GPC5: variants seen among roughly 807,000 people sequenced by gnomAD.
GPC5 encodes glypican-5.
In GPC5, 47 loss-of-function variants were observed where a neutral mutation model predicts 53.9. The observed-to-expected ratio is 0.87, with a 90% CI of 0.69 to 1.11. The LOEUF is 1.11. GPC5 is among the 50% of genes most tolerant of loss of function. GPC5 has a pLI of 0.00. For missense variants in GPC5, 748 were observed against 713.1 expected, an observed-to-expected ratio of 1.05 and a Z score of -0.56; for synonymous variants, 286 against 263.3, an observed-to-expected ratio of 1.09 and a Z score of -0.84.
chr13:92,742,399 A>T (rs902770155), intron 7 of GPC5, among the ~76,000 whole-genome samples: 1 of 152,022 alleles, frequency 6.6e-6, no homozygotes, highest in Non-Finnish European at 1.5e-5. Flanking sequence ...AGAAGTGTCT[A>T]TTCATATCCT....
At chr13:91,960,949 A>T (rs1344390980) in intron 6 of GPC5, among the ~76,000 whole-genome samples, 4 of 151,926 alleles carry the variant, frequency 2.6e-5, no homozygotes, top group African/African-American at 7.2e-5. Flanking sequence ...AGAAGAAAAC[A>T]TAAGGGAAAC....
At chr13:92,383,476 A>G (rs1343957181) in intron 7 of GPC5, among the ~76,000 whole-genome samples, 1 of 152,228 alleles carries the variant, frequency 6.6e-6, no homozygotes, top group Non-Finnish European at 1.5e-5. Flanking sequence ...TTAATTTTGC[A>G]TACCTGCAAG....
intron 5 of GPC5, among the ~76,000 whole-genome samples, chr13:91,893,050 GC>G (rs761484101): frequency 5.9e-5 from 9 of 151,834 alleles, no homozygotes; most frequent in Non-Finnish European, 1.2e-4. Context: ...GAAGATATTT[GC>G]GTGGACATTT....
intron 2 of GPC5, among the ~76,000 whole-genome samples, chr13:91,593,173 C>G (rs1370462041): frequency 1.3e-5 from 2 of 152,176 alleles, no homozygotes; most frequent in Non-Finnish European, 2.9e-5. Flanking sequence ...CACCCATTTC[C>G]CAGGAGCTGT....
At chr13:92,646,154 G>T (rs61975894) in intron 7 of GPC5, among the ~76,000 whole-genome samples, 36,554 of 151,858 alleles carry the variant, frequency 0.24, 5,034 homozygotes, top group South Asian at 0.39. Flanking sequence ...TTCTAGAGTT[G>T]TACATGTTAC....
intron 5 of GPC5, among the ~76,000 whole-genome samples, chr13:91,761,948 C>T (rs1165019119): frequency 1.3e-5 from 2 of 152,182 alleles, no homozygotes; most frequent in African/African-American, 4.8e-5. Flanking sequence ...TGTCAGTCAA[C>T]TTTAGCATAC....
intron 6 of GPC5, among the ~76,000 whole-genome samples, chr13:91,996,818 TTA>T (rs1283869031): frequency 1.3e-5 from 2 of 152,210 alleles, no homozygotes; most frequent in Non-Finnish European, 2.9e-5. Flanking sequence ...TCATTGAACA[TTA>T]TGTTTCATTG....
intron 6 of GPC5, among the ~76,000 whole-genome samples, chr13:91,973,484 G>C (rs561317582): frequency 1.3e-5 from 2 of 152,162 alleles, no homozygotes; most frequent in Admixed American, 6.5e-5. Context: ...GTCATTCTCC[G>C]TCCAGCTTTG....
intron 7 of GPC5, 121 bp downstream of exon 7, chr13:92,145,110 G>A (rs2041857863): frequency 4.3e-6 from 4 of 928,232 alleles, no homozygotes; most frequent in South Asian, 5.2e-5. Flanking sequence ...AATTGGAAAT[G>A]GAAATGAATC....
intron 2 of GPC5, among the ~76,000 whole-genome samples, chr13:91,571,825 A>ATACACACACATATACGTGTGTGTGTG (rs2139004129): frequency 1.2e-5 from 1 of 81,084 alleles, no homozygotes; most frequent in Admixed American, 1.1e-4. Context: ...GTGTGTGTAT[A>ATACACACACATATACGTGTGTGTGTG]TATACACATA....
intron 3 of GPC5, among the ~76,000 whole-genome samples, chr13:91,703,055 T>C (rs1028249310): frequency 2.0e-5 from 3 of 152,140 alleles, no homozygotes; most frequent in Non-Finnish European, 4.4e-5. Context: ...ACCAAATTTG[T>C]TTATTATTTA....
At chr13:92,290,697 A>G (rs908042695) in intron 7 of GPC5, among the ~76,000 whole-genome samples, 1 of 152,134 alleles carries the variant, frequency 6.6e-6, no homozygotes, top group Non-Finnish European at 1.5e-5. Flanking sequence ...ATTCCATTGC[A>G]TATATACATG....
Position 92,460,763 on chromosome 13 carries a change from G to A in GPC5, c.1561+315774G>A, listed in dbSNP as rs546972297. The stretch of plus-strand genomic sequence containing the variant: ...GAGACAGGCCAGAAGAAGACTTAAT[G>A]TTCTGAGGTAAGAGAAATATGTTAA... On this transcript the variant is annotated intron_variant, in intron 7 of 7. Transcript: ENST00000377067. 3.0e-4 allele frequency among the ~76,000 whole-genome samples: 45 copies of A among 152,258 alleles called. No individual in the cohort carries two copies. In the South Asian group the frequency reaches 3.3e-3, roughly 11 times the overall value.
intron 5 of GPC5, among the ~76,000 whole-genome samples, chr13:91,817,831 A>T (rs934789950): frequency 1.3e-5 from 2 of 152,126 alleles, no homozygotes; most frequent in African/African-American, 4.8e-5. Flanking sequence ...GTGATAAAGA[A>T]CTTTTCGTAC....
chr13:91,517,445 T>A (rs1009230213), intron 2 of GPC5, among the ~76,000 whole-genome samples: 2 of 152,192 alleles, frequency 1.3e-5, no homozygotes, highest in African/African-American at 4.8e-5. Flanking sequence ...CCCAAAAACT[T>A]CCTCATCTCC....
chr13:91,859,502 A>G (rs1036311129), intron 5 of GPC5, among the ~76,000 whole-genome samples: 2 of 152,012 alleles, frequency 1.3e-5, no homozygotes, highest in East Asian at 1.9e-4. Context: ...CACATTATCA[A>G]TTTGTTCTTA....
chr13:91,851,935 A>G (rs1190932359), intron 5 of GPC5, among the ~76,000 whole-genome samples: 2 of 149,284 alleles, frequency 1.3e-5, no homozygotes, highest in African/African-American at 5.0e-5. Flanking sequence ...AGTCTTTGCT[A>G]TTGTGAATAA....
intron 7 of GPC5, among the ~76,000 whole-genome samples, chr13:92,211,209 A>G (rs1035774576): frequency 3.3e-5 from 5 of 152,172 alleles, no homozygotes; most frequent in Admixed American, 3.3e-4. Context: ...AGGAAAGGAT[A>G]TCTATTGAAT....
intron 6 of GPC5, among the ~76,000 whole-genome samples, chr13:92,002,261 A>C (rs1441721194): frequency 6.6e-6 from 1 of 152,242 alleles, no homozygotes; most frequent in Non-Finnish European, 1.5e-5. Flanking sequence ...GAGGTTTGTT[A>C]AATTGTATTA....
Sources: gnomAD v4.1 joint callset for allele counts (sites outside exome capture counted in the v4.1 genomes callset) on GRCh38, gnomAD v4.1.1 for gene constraint, MANE v1.5 for transcripts, NCBI Gene and HGNC (gene_info 2026-07-23, HGNC 2026-07-21) for gene names.